The following MGMT variants were observed in gnomAD, a reference collection of about 807,000 sequenced individuals.
MGMT encodes O-6-methylguanine-DNA methyltransferase, also known as methylated-DNA--protein-cysteine methyltransferase.
A neutral mutation model predicts 15.9 loss-of-function variants in MGMT; 14 were observed. That is an observed-to-expected ratio of 0.88 (90% CI 0.58 to 1.37). The LOEUF is 1.37. Ranked by LOEUF, MGMT falls within the 40% of genes most tolerant of loss-of-function variation. The pLI is 0.00. For synonymous variants in MGMT, 130 were observed against 118.2 expected, an observed-to-expected ratio of 1.10 and a Z score of -0.65; for missense variants, 282 against 268.1, an observed-to-expected ratio of 1.05 and a Z score of -0.36.
At chr10:129,672,109 G>A (rs1366626935) in intron 2 of MGMT, among the ~76,000 whole-genome samples, 2 of 152,150 alleles carry the variant, frequency 1.3e-5, no homozygotes. Flanking sequence ...ACAGGGAATT[G>A]CTGGCAAGTT....
chr10:129,609,664 G>A (rs1846936516), intron 2 of MGMT, among the ~76,000 whole-genome samples: 2 of 152,168 alleles, frequency 1.3e-5, no homozygotes, highest in Admixed American at 6.5e-5. Flanking sequence ...ACTTCCATTC[G>A]GGAGCAGGAT....
chr10:129,539,757 C>T (rs1329348526), intron 2 of MGMT, among the ~76,000 whole-genome samples: 11 of 152,202 alleles, frequency 7.2e-5, no homozygotes, highest in African/African-American at 2.4e-4. Flanking sequence ...CCACCCACCT[C>T]GGCCTCCCAA....
At chr10:129,550,455 T>C (rs1445160292) in intron 2 of MGMT, among the ~76,000 whole-genome samples, 3 of 151,606 alleles carry the variant, frequency 2.0e-5, no homozygotes, top group Non-Finnish European at 2.9e-5. Flanking sequence ...ATTCTTTTTT[T>C]TTTTTTTTTG....
At chr10:129,586,350 G>A (rs933368522) in intron 2 of MGMT, among the ~76,000 whole-genome samples, 19 of 151,982 alleles carry the variant, frequency 1.3e-4, no homozygotes, top group African/African-American at 3.4e-4. Flanking sequence ...ACCTCAACCC[G>A]CTTTCCTTTC....
At chr10:129,637,616 C>G (rs1451079816) in intron 2 of MGMT, among the ~76,000 whole-genome samples, 1 of 152,144 alleles carries the variant, frequency 6.6e-6, no homozygotes, top group African/African-American at 2.4e-5. Context: ...GAGCCCTAGC[C>G]CTCAGTACGT....
intron 2 of MGMT, among the ~76,000 whole-genome samples, chr10:129,683,430 A>G (rs1847874506): frequency 6.6e-6 from 1 of 152,212 alleles, no homozygotes; most frequent in East Asian, 1.9e-4. Context: ...GAACAACATA[A>G]AAAATTGGTT....
chr10:129,583,241 T>C (rs900893824), intron 2 of MGMT, among the ~76,000 whole-genome samples: 2 of 152,190 alleles, frequency 1.3e-5, no homozygotes, highest in African/African-American at 4.8e-5. Context: ...GAAATTCAAA[T>C]AGCTAAACAT....
At chr10:129,542,467 G>A (rs1000838224) in intron 2 of MGMT, among the ~76,000 whole-genome samples, 6 of 152,116 alleles carry the variant, frequency 3.9e-5, no homozygotes, top group African/African-American at 1.4e-4. Flanking sequence ...ATCTTTCAAG[G>A]AGGAGAAGAA....
At chr10:129,488,011 A>ATAGG (rs1164428558) in intron 1 of MGMT, among the ~76,000 whole-genome samples, 23 of 122,326 alleles carry the variant, frequency 1.9e-4, no homozygotes, top group African/African-American at 5.5e-4. Context: ...GTATACACAC[A>ATAGG]CACACACACA....
chr10:129,630,544 C>A (rs1847198368), intron 2 of MGMT, among the ~76,000 whole-genome samples: 1 of 152,164 alleles, frequency 6.6e-6, no homozygotes, highest in Non-Finnish European at 1.5e-5. Context: ...TGAAGATAAA[C>A]TCATTGCAGT....
intron 2 of MGMT, among the ~76,000 whole-genome samples, chr10:129,578,384 G>A (rs1356586440): frequency 6.6e-6 from 1 of 152,094 alleles, no homozygotes; most frequent in Admixed American, 6.5e-5. Flanking sequence ...TCATTTGTAG[G>A]GACATGGATG....
intron 2 of MGMT, among the ~76,000 whole-genome samples, chr10:129,691,791 G>T (rs1847972623): frequency 6.6e-6 from 1 of 152,150 alleles, no homozygotes; most frequent in Non-Finnish European, 1.5e-5. Context: ...TCTGTTCCAG[G>T]GGCATCTTCA....
intron 1 of MGMT, among the ~76,000 whole-genome samples, chr10:129,485,460 C>G (rs1167002098): frequency 6.6e-6 from 1 of 152,118 alleles, no homozygotes; most frequent in African/African-American, 2.4e-5. Context: ...CTGCTGTTGT[C>G]CTTGTTCTGA....
In MGMT at chr10:129,768,385, G is replaced by A. The variant is rs1026679845; in HGVS notation, c.*1388G>A. ...TTTGAAGCAGGATAAGTCACACAGCGGGTCACGTAGACACGTGCTGTTTTG... is the reference window on the plus strand; with the variant it reads ...TTTGAAGCAGGATAAGTCACACAGCAGGTCACGTAGACACGTGCTGTTTTG... On this transcript the variant is annotated 3_prime_UTR_variant, in exon 5 of 5. Coordinates refer to ENST00000651593, the MANE Select transcript of MGMT (RefSeq NM_002412.5). Among the ~76,000 whole-genome samples the A allele has an allele frequency of 1.3e-5, 2 of 152,368 alleles. No homozygotes were observed. Among genetic ancestry groups the A allele is most frequent in the East Asian group, 1.9e-4 (1 of 5,188 alleles).
At chr10:129,482,864 A>G (rs1412341132) in intron 1 of MGMT, among the ~76,000 whole-genome samples, 2 of 152,156 alleles carry the variant, frequency 1.3e-5, no homozygotes, top group African/African-American at 4.8e-5. Flanking sequence ...TCTTTGTAAA[A>G]TTGGAGTATT....
intron 2 of MGMT, among the ~76,000 whole-genome samples, chr10:129,646,754 A>ATATATATATATATATTTTT: frequency 3.5e-5 from 3 of 86,676 alleles, no homozygotes; most frequent in Non-Finnish European, 7.7e-5. Flanking sequence ...ATATATATAT[A>ATATATATATATATATTTTT]TTTTCAGGGA....
intron 3 of MGMT, chr10:129,717,634 A>AT (rs1848315212): frequency 6.6e-6 from 1 of 152,146 alleles, no homozygotes; most frequent in African/African-American, 2.4e-5. Context: ...CAGCAGATAA[A>AT]TATTGAAACC....
intron 1 of MGMT, among the ~76,000 whole-genome samples, chr10:129,469,842 G>C (rs955630578): frequency 2.6e-5 from 4 of 152,092 alleles, no homozygotes; most frequent in Non-Finnish European, 4.4e-5. Context: ...AAGTACCAGG[G>C]ACTACAGGTG....
At chr10:129,722,777 A>C (rs1848387094) in intron 3 of MGMT, among the ~76,000 whole-genome samples, 1 of 152,136 alleles carries the variant, frequency 6.6e-6, no homozygotes, top group South Asian at 2.1e-4. Context: ...AGGCCATGGC[A>C]GGCGGATCAC....
Sources: gnomAD v4.1 joint callset for allele counts (sites outside exome capture counted in the v4.1 genomes callset) on GRCh38, gnomAD v4.1.1 for gene constraint, MANE v1.5 for transcripts, NCBI Gene and HGNC (gene_info 2026-07-23, HGNC 2026-07-21) for gene names.